Variants in PAPPA2 observed in about 807,000 individuals in gnomAD.
PAPPA2 encodes pappalysin-2.
A neutral mutation model predicts 176.4 loss-of-function variants in PAPPA2; 86 were observed. That is an observed-to-expected ratio of 0.49 (90% confidence interval 0.41 to 0.58). PAPPA2 has a LOEUF of 0.58. Ranked by LOEUF, PAPPA2 falls within the 20% of genes least tolerant of loss-of-function variation. The pLI is 0.00. For missense variants in PAPPA2, 2,073 were observed against 2,256.9 expected, an observed-to-expected ratio of 0.92 and a Z score of 1.65; for synonymous variants, 809 against 852.2, an observed-to-expected ratio of 0.95 and a Z score of 0.88.
chr1:176,753,647 T>C (rs1663285697), intron 14 of PAPPA2, among the ~76,000 whole-genome samples: 1 of 151,548 alleles, frequency 6.6e-6, no homozygotes, highest in Non-Finnish European at 1.5e-5. Context: ...ATCATAAGGT[T>C]TCCTTTTAAT....
intron 3 of PAPPA2, among the ~76,000 whole-genome samples, chr1:176,641,110 G>A (rs1212700762): frequency 6.8e-6 from 1 of 148,080 alleles, no homozygotes; most frequent in Admixed American, 6.7e-5. Flanking sequence ...AGATGAGTAG[G>A]TTGCAAAAAT....
chr1:176,819,065 T>C (rs1666549479), intron 21 of PAPPA2, among the ~76,000 whole-genome samples: 1 of 152,238 alleles, frequency 6.6e-6, no homozygotes. Flanking sequence ...TTCACTGTTA[T>C]ATCTCAAGTC....
At position 176,579,201 on chromosome 1, in the gene PAPPA2, C is replaced by T. The variant is rs553813276; in HGVS notation, c.920-15323C>T. Among the ~76,000 whole-genome samples, 4 of 152,238 alleles carry T rather than the reference C, an allele frequency of 2.6e-5. 1 individual carries two copies. Among genetic ancestry groups the T allele is most frequent in the Admixed American group, 1.3e-4 (2 of 15,290 alleles). On this transcript the variant is annotated intron_variant, in intron 2 of 22. Coordinates refer to ENST00000367662, the MANE Select transcript of PAPPA2 (RefSeq NM_020318.3). Reference sequence around the variant, plus strand: ...CAGAAGCAGTTCCTAGCTGGGCTATCTCACTTTTCTTTTTGTTACATTCCC... The same window carrying T: ...CAGAAGCAGTTCCTAGCTGGGCTATTTCACTTTTCTTTTTGTTACATTCCC...
In PAPPA2 at chr1:176,732,408, A is replaced by T. The variant is rs116426024; in HGVS notation, c.3799-7218A>T. Among the ~76,000 whole-genome samples the T allele has an allele frequency of 8.5e-3, 1,297 of 152,284 alleles. 23 individuals carry two copies. The highest frequency in any genetic ancestry group is 0.028 in the African/African-American group (1,183 of 41,560). ...TTACCTCTCTGGGCATTAGTTTTCT[A>T]TTCAAATTTGTTTCAAATGATGCAT... is the stretch of plus-strand genomic sequence containing the variant. On this transcript the variant is annotated intron_variant, in intron 12 of 22. Coordinates refer to ENST00000367662, the MANE Select transcript of PAPPA2 (RefSeq NM_020318.3).
chr1:176,550,159 G>GCTGTGTTCTTA (rs750353971), intron 1 of PAPPA2, among the ~76,000 whole-genome samples: 1 of 152,132 alleles, frequency 6.6e-6, no homozygotes, highest in Non-Finnish European at 1.5e-5. Context: ...ATTGTTTCTG[G>GCTGTGTTCTTA]CTGTGTTCTT....
Position 176,789,947 on chromosome 1 carries a change from T to C in PAPPA2, c.4854T>C (p.Cys1618=), listed in dbSNP as rs1293676933. The C allele has an allele frequency of 6.2e-7, 1 of 1,614,024 alleles. No individual in the cohort carries two copies. The highest frequency in any genetic ancestry group is 8.5e-7 in the Non-Finnish European group (1 of 1,179,990). ...CTNGFSLDSQ[C]VLNCNQEREK... The stretch of plus-strand genomic sequence containing the variant: ...ATGGCTTCAGCCTGGACAGCCAGTG[T>C]GTGCTCAACTGTAACCAGGAACGTG... The change falls in exon 18 of 23, where the codon TGT becomes TGC. Residue 1618 remains cysteine, a synonymous_variant. Coordinates refer to ENST00000367662, the MANE Select transcript of PAPPA2 (RefSeq NM_020318.3).
At chr1:176,795,207 T>C (rs1665373590) in intron 20 of PAPPA2, among the ~76,000 whole-genome samples, 1 of 152,190 alleles carries the variant, frequency 6.6e-6, no homozygotes, top group African/African-American at 2.4e-5. Context: ...TAGATTCTTA[T>C]TCTTTTTCTT....
chr1:176,781,545 T>A (rs1284912521), intron 17 of PAPPA2, among the ~76,000 whole-genome samples: 1 of 151,914 alleles, frequency 6.6e-6, no homozygotes, highest in African/African-American at 2.4e-5. Flanking sequence ...AGACTTACCA[T>A]GTCTGAAGTC....
At chr1:176,640,559 T>A (rs916032110) in intron 3 of PAPPA2, among the ~76,000 whole-genome samples, 32 of 151,942 alleles carry the variant, frequency 2.1e-4, no homozygotes, top group African/African-American at 7.0e-4. Flanking sequence ...ATGGTGTATA[T>A]GTGCCACATT....
intron 17 of PAPPA2, among the ~76,000 whole-genome samples, chr1:176,779,949 C>G (rs1264396071): frequency 1.3e-5 from 2 of 152,172 alleles, no homozygotes; most frequent in Non-Finnish European, 2.9e-5. Context: ...TCTTTTTCTT[C>G]CAGCCCACAT....
chr1:176,654,100 TG>T (rs1657895887), intron 3 of PAPPA2, among the ~76,000 whole-genome samples: 1 of 151,810 alleles, frequency 6.6e-6, no homozygotes, highest in Non-Finnish European at 1.5e-5. Flanking sequence ...CCTGTGCTTT[TG>T]AGATCATAGT....
At position 176,802,004 on chromosome 1, in the gene PAPPA2, C is replaced by A. The variant is rs556179089; in HGVS notation, c.5202+1872C>A. 1.1e-4 allele frequency among the ~76,000 whole-genome samples: 17 copies of A among 152,232 alleles called. No homozygotes were observed. The East Asian group carries it at 1.5e-3, about 14-fold the overall frequency. ...TCTCCTCTGCCTAACTGCTACCAGG[C>A]AACAGCTGTTGGTTCCCCTGCTCCA... On this transcript the variant is annotated intron_variant, in intron 21 of 22. Coordinates refer to ENST00000367662, the MANE Select transcript of PAPPA2 (RefSeq NM_020318.3).
At chr1:176,718,596 A>G (rs1201612718) in intron 12 of PAPPA2, among the ~76,000 whole-genome samples, 2 of 151,902 alleles carry the variant, frequency 1.3e-5, no homozygotes, top group East Asian at 1.9e-4. Context: ...TTACCATTCA[A>G]TTCAAACCAA....
chr1:176,629,351 A>G (rs1656214263), intron 3 of PAPPA2, among the ~76,000 whole-genome samples: 1 of 152,226 alleles, frequency 6.6e-6, no homozygotes, highest in Admixed American at 6.5e-5. Context: ...GACCACAGTG[A>G]TGATGGAAAA....
chr1:176,465,513 T>G (rs1292761519), intron 1 of PAPPA2, among the ~76,000 whole-genome samples: 1 of 152,226 alleles, frequency 6.6e-6, no homozygotes, highest in African/African-American at 2.4e-5. Flanking sequence ...ATATATCACC[T>G]GTTTTTTCTT....
At chr1:176,796,491 T>C (rs1665430527) in intron 20 of PAPPA2, among the ~76,000 whole-genome samples, 1 of 152,234 alleles carries the variant, frequency 6.6e-6, no homozygotes, top group Non-Finnish European at 1.5e-5. Flanking sequence ...CCTTTATTGT[T>C]GGCTATTCTT....
chr1:176,580,106 T>G (rs1046335125), intron 2 of PAPPA2, among the ~76,000 whole-genome samples: 6 of 152,144 alleles, frequency 3.9e-5, no homozygotes, highest in Non-Finnish European at 7.4e-5. Flanking sequence ...TAGAACTTAT[T>G]CCTCCTACCT....
At chr1:176,472,068 C>A (rs1310909918) in intron 1 of PAPPA2, among the ~76,000 whole-genome samples, 1 of 152,146 alleles carries the variant, frequency 6.6e-6, no homozygotes, top group Non-Finnish European at 1.5e-5. Flanking sequence ...TTGTGGGCTG[C>A]AGAATATTAT....
At chr1:176,720,805 G>T (rs1330620675) in intron 12 of PAPPA2, among the ~76,000 whole-genome samples, 1 of 152,172 alleles carries the variant, frequency 6.6e-6, no homozygotes, top group Non-Finnish European at 1.5e-5. Flanking sequence ...AACCAAGGAA[G>T]CCAATGGCAT....
Sources: gnomAD v4.1 joint callset for allele counts (sites outside exome capture counted in the v4.1 genomes callset) on GRCh38, gnomAD v4.1.1 for gene constraint, MANE v1.5 for transcripts, NCBI Gene and HGNC (gene_info 2026-07-23, HGNC 2026-07-21) for gene names.